The following RPL12 variants were observed in gnomAD, a reference collection of about 807,000 sequenced individuals.
RPL12 encodes the protein ribosomal protein L12.
A neutral mutation model predicts 24.5 loss-of-function variants in RPL12; 10 were observed. That is an observed-to-expected ratio of 0.41 (90% CI 0.25 to 0.69). The LOEUF is 0.69. Ranked by LOEUF, RPL12 falls within the 30% of genes least tolerant of loss-of-function variation. RPL12 has a pLI of 0.33. For missense variants in RPL12, 137 were observed against 205.3 expected (o/e 0.67, Z 2.03); for synonymous variants, 74 against 76.1 (o/e 0.97, Z 0.14).
chr9:127,451,107 A>C, intron 1 of RPL12, 174 bp downstream of exon 1: 13 of 819,822 alleles, frequency 1.6e-5, no homozygotes, highest in South Asian at 1.9e-5. Flanking sequence ...CTCCCCACCT[A>C]CACGTGAAGA....
At chr9:127,450,663 G>A in intron 2 of RPL12, 68 bp downstream of exon 2, 2 of 1,235,152 alleles carry the variant, frequency 1.6e-6, no homozygotes, top group East Asian at 5.3e-5. Context: ...GCACAGGCGT[G>A]ACTCCACGAG....
At position 127,447,928 on chromosome 9, in the gene RPL12, A is replaced by G; in HGVS notation, c.441T>C (p.His147=). The G allele has an allele frequency of 6.2e-7, 1 of 1,613,818 alleles. No homozygotes were observed. The highest frequency in any genetic ancestry group is 8.5e-7 in the Non-Finnish European group (1 of 1,179,930). ...TGATGTCATCGATGATGTCATGAGG[A>G]TGGCGGCCATCAACATTACAGCCCA... ...QSVGCNVDGR[H]PHDIIDDINS... The change falls in exon 6 of 7, where the codon CAT becomes CAC. Residue 147 remains histidine (H), a synonymous_variant. Transcript: ENST00000361436.
intron 6 of RPL12, 47 bp downstream of exon 6, chr9:127,447,830 G>A (rs779103706): frequency 3.1e-6 from 5 of 1,611,724 alleles, no homozygotes; most frequent in Non-Finnish European, 3.4e-6. Flanking sequence ...GAATACACTG[G>A]GTGGCCCCCC....
At position 127,449,305 on chromosome 9, in the gene RPL12, T is replaced by C; in HGVS notation, c.268A>G (p.Arg90Gly). The C allele has an allele frequency of 6.2e-7, 1 of 1,612,924 alleles. No individual in the cohort carries two copies. ...CTGTTTTTCTGTTTCTTTCTGTCTCTTGGTGGTTCCTTGAGGGCTTTGATG... is the reference window on the plus strand; with the variant it reads ...CTGTTTTTCTGTTTCTTTCTGTCTCCTGGTGGTTCCTTGAGGGCTTTGATG... ...LIIKALKEPP[R>G]DRKKQKNIKH... The change falls in exon 4 of 7, where the codon AGA becomes GGA. Residue 90 changes from arginine to glycine, a missense_variant. Transcript: ENST00000361436.
At chr9:127,448,072 C>G in intron 5 of RPL12, 83 bp from the exon 6 acceptor site, 2 of 1,464,450 alleles carry the variant, frequency 1.4e-6, no homozygotes, top group Non-Finnish European at 1.8e-6. Context: ...TGAAGGGGTT[C>G]ATAGCAGGCA....
At chr9:127,450,570 C>T (rs1454306760) in intron 2 of RPL12, 161 bp downstream of exon 2, 5 of 562,466 alleles carry the variant, frequency 8.9e-6, no homozygotes, top group Admixed American at 7.7e-5. Flanking sequence ...ATTTTTCACA[C>T]ACGACCTTCC....
chr9:127,447,939 C>G lies in RPL12; in HGVS notation c.430G>C (p.Asp144His), dbSNP rs746609511. The change falls in exon 6 of 7, where the codon GAT becomes CAT. Residue 144 changes from aspartate (D) to histidine (H), a missense_variant. This residue lies in a region of RPL12 where 118 missense variants were observed against 160.7 expected (regional missense o/e 0.73). Coordinates refer to ENST00000361436, the MANE Select transcript of RPL12 (RefSeq NM_000976.4). ...ATGATGTCATGAGGATGGCGGCCAT[C>G]AACATTACAGCCCACTGACTGGGCA... ...GTAQSVGCNV[D>H]GRHPHDIIDD... 2.5e-6 allele frequency: 4 copies of G among 1,613,642 alleles called. No homozygotes were observed. The African/African-American group carries it at 5.3e-5, about 22-fold the overall frequency.
chr9:127,448,491 T>G (rs1348074696), intron 4 of RPL12, 68 bp from the exon 5 acceptor site: 5 of 1,022,626 alleles, frequency 4.9e-6, no homozygotes, highest in Non-Finnish European at 7.8e-6. Flanking sequence ...TGTCCTTCAT[T>G]TCATTTCTAG....
intron 4 of RPL12, 88 bp from the exon 5 acceptor site, chr9:127,448,511 A>G (rs1442826609): frequency 1.1e-6 from 1 of 909,606 alleles, no homozygotes; most frequent in East Asian, 2.4e-5. Context: ...GGCTGTTCCC[A>G]TGCTTTCGGC....
chr9:127,449,487 CT>C (rs1015089312), intron 3 of RPL12, 122 bp downstream of exon 3: 2 of 1,296,474 alleles, frequency 1.5e-6, no homozygotes, highest in Non-Finnish European at 2.2e-6. Flanking sequence ...TTGACAAAGC[CT>C]CCCCAACAAG....
chr9:127,450,816 GA>G lies in RPL12; in HGVS notation c.38-13del. The G allele has an allele frequency of 6.4e-7, 1 of 1,554,122 alleles. No homozygotes were observed. The highest frequency in any genetic ancestry group is 8.7e-7 in the Non-Finnish European group (1 of 1,150,014). ...GCACCTCAGGTATACTGGGGGAAAA[GA>G]AGAGTTAGTGTCTGTGCAGAGGGAG... On this transcript the variant is annotated splice_polypyrimidine_tract_variant and intron_variant, in intron 1 of 6. Transcript: ENST00000361436.
At chr9:127,451,127 C>T in intron 1 of RPL12, 154 bp downstream of exon 1, 2 of 1,044,116 alleles carry the variant, frequency 1.9e-6, no homozygotes, top group Admixed American at 2.8e-5. Context: ...AAGCTAAGGC[C>T]CAGAAAGGCT....
chr9:127,450,620 A>C, intron 2 of RPL12, 111 bp downstream of exon 2: 2 of 745,892 alleles, frequency 2.7e-6, no homozygotes, highest in South Asian at 1.9e-5. Flanking sequence ...AGGCCTACTG[A>C]GGGTGACAGT....
At position 127,451,354 on chromosome 9, in the gene RPL12, G is replaced by T. The variant is rs760852578; in HGVS notation, c.-37C>A. The T allele has an allele frequency of 1.2e-6, 2 of 1,610,958 alleles. No homozygotes were observed. The highest frequency in any genetic ancestry group is 1.1e-5 in the South Asian group (1 of 90,970). ...CTGGTGTCGGATGAACCCGGATTCG[G>T]GACGACCGAAGGAAGTTGCACCTTG... is the stretch of plus-strand genomic sequence containing the variant. On this transcript the variant is annotated 5_prime_UTR_variant, in exon 1 of 7. Transcript: ENST00000361436.
rs1188934391 is a variant in RPL12, at chr9:127,451,377, T to C, written c.-60A>G. On this transcript the variant is annotated 5_prime_UTR_variant, in exon 1 of 7. Coordinates refer to ENST00000361436, the MANE Select transcript of RPL12 (RefSeq NM_000976.4). ...CGGGACGACCGAAGGAAGTTGCACC[T>C]TGGCCTCCTCCGAGCCGAAAGCCGA... 5.6e-6 allele frequency: 9 copies of C among 1,605,104 alleles called. No homozygotes were observed. Among genetic ancestry groups the C allele is most frequent in the African/African-American group, 4.0e-5 (3 of 74,758 alleles).
chr9:127,447,948 A>C lies in RPL12; in HGVS notation c.421T>G (p.Cys141Gly). The C allele has an allele frequency of 6.2e-7, 1 of 1,613,760 alleles. No individual in the cohort carries two copies. The highest frequency in any genetic ancestry group is 8.5e-7 in the Non-Finnish European group (1 of 1,179,916). The change falls in exon 6 of 7, where the codon TGT becomes GGT. Residue 141 changes from cysteine (C) to glycine (G), a missense_variant. Physicochemically the swap from Cys to Gly is radical, Grantham distance 159. Transcript: ENST00000361436. ...TGAGGATGGCGGCCATCAACATTAC[A>C]GCCCACTGACTGGGCAGTCCCCAGG... The part of the protein sequence containing the change: ...EILGTAQSVG[C>G]NVDGRHPHDI...
chr9:127,451,121 T>C, intron 1 of RPL12, 160 bp downstream of exon 1: 1 of 983,132 alleles, frequency 1.0e-6, no homozygotes, highest in Non-Finnish European at 1.5e-6. Flanking sequence ...GTGAAGAAGC[T>C]AAGGCCCAGA....
intron 5 of RPL12, 142 bp downstream of exon 5, chr9:127,448,195 C>A: frequency 1.0e-6 from 1 of 965,372 alleles, no homozygotes. Flanking sequence ...TAAACACATC[C>A]AATTTACGAT....
intron 1 of RPL12, 29 bp downstream of exon 1, chr9:127,451,252 G>C: frequency 6.2e-7 from 1 of 1,610,408 alleles, no homozygotes; most frequent in South Asian, 1.1e-5. Context: ...GCTCCATCCC[G>C]CAGCCCCGGC....
Sources: allele counts gnomAD v4.1 joint callset, GRCh38; gene constraint gnomAD v4.1.1; regional missense constraint gnomAD v4.1.1; transcripts MANE v1.5; gene names NCBI Gene and HGNC (gene_info 2026-07-23, HGNC 2026-07-21).